The following CDKAL1 variants were observed in gnomAD, a reference collection of about 807,000 sequenced individuals.
CDKAL1 encodes threonylcarbamoyladenosine tRNA methylthiotransferase.
A neutral mutation model predicts 68.2 loss-of-function variants in CDKAL1; 32 were observed. The observed-to-expected ratio is 0.47, with a 90% CI of 0.35 to 0.63. CDKAL1 has a LOEUF of 0.63. Among genes scored for constraint, CDKAL1 ranks in the 30% least tolerant of loss-of-function variants. The pLI is 0.00. For missense variants in CDKAL1, 606 were observed against 696.7 expected (o/e 0.87, Z 1.47); for synonymous variants, 234 against 244.3 (o/e 0.96, Z 0.39).
intron 7 of CDKAL1, among the ~76,000 whole-genome samples, chr6:20,763,506 C>G (rs1054203242): frequency 1.3e-5 from 2 of 152,180 alleles, no homozygotes; most frequent in South Asian, 2.1e-4. Flanking sequence ...TGTGGAGAAG[C>G]AAGGCTCTGC....
intron 7 of CDKAL1, 85 bp from the exon 8 acceptor site, chr6:20,781,060 T>G (rs1373209436): frequency 7.4e-7 from 1 of 1,347,520 alleles, no homozygotes; most frequent in African/African-American, 1.5e-5. Flanking sequence ...CGAAAAGAAG[T>G]TAAATGAACA....
intron 15 of CDKAL1, among the ~76,000 whole-genome samples, chr6:21,229,310 A>G (rs992525887): frequency 2.0e-5 from 3 of 152,128 alleles, no homozygotes; most frequent in Admixed American, 6.5e-5. Flanking sequence ...TATTGATTCT[A>G]CATCAAAAGT....
intron 5 of CDKAL1, among the ~76,000 whole-genome samples, chr6:20,670,638 C>G (rs1274487813): frequency 1.3e-5 from 2 of 152,106 alleles, no homozygotes; most frequent in Non-Finnish European, 2.9e-5. Flanking sequence ...AGAGTGGTCT[C>G]TTATTCCCCA....
chr6:21,123,197 G>A (rs1160377667), intron 13 of CDKAL1, among the ~76,000 whole-genome samples: 2 of 152,116 alleles, frequency 1.3e-5, no homozygotes, highest in African/African-American at 4.8e-5. Flanking sequence ...TGGGATACCT[G>A]TAATCCCAAC....
intron 9 of CDKAL1, among the ~76,000 whole-genome samples, chr6:20,939,680 A>G (rs1423542019): frequency 1.3e-5 from 2 of 152,168 alleles, no homozygotes; most frequent in African/African-American, 4.8e-5. Flanking sequence ...TTGGCTGCAG[A>G]GGAGACAAAG....
At chr6:21,090,596 ACT>A (rs1180745757) in intron 12 of CDKAL1, among the ~76,000 whole-genome samples, 1 of 152,152 alleles carries the variant, frequency 6.6e-6, no homozygotes, top group Non-Finnish European at 1.5e-5. Flanking sequence ...AAGGAATGAC[ACT>A]CATATATATA....
chr6:20,826,248 A>G lies in CDKAL1; in HGVS notation c.639-19827A>G, dbSNP rs376055612. Among the ~76,000 whole-genome samples the G allele has an allele frequency of 1.6e-3, 249 of 152,220 alleles. 8 individuals are homozygous for G. In the South Asian group the frequency reaches 0.049, roughly 30 times the overall value. ...TTCATGTTAATACAGGGAGGAGGGGAGCCCACTTAAAAATACAGTCAGTGT... is the reference window on the plus strand; with the variant it reads ...TTCATGTTAATACAGGGAGGAGGGGGGCCCACTTAAAAATACAGTCAGTGT... On this transcript the variant is annotated intron_variant, in intron 8 of 15. Coordinates refer to ENST00000274695, the MANE Select transcript of CDKAL1 (RefSeq NM_017774.3).
chr6:20,608,774 C>T (rs1366887333), intron 4 of CDKAL1, among the ~76,000 whole-genome samples: 2 of 152,110 alleles, frequency 1.3e-5, no homozygotes, highest in Non-Finnish European at 2.9e-5. Context: ...CTACTCTTAG[C>T]AAGGGTGATG....
intron 4 of CDKAL1, among the ~76,000 whole-genome samples, chr6:20,555,614 C>T (rs1303825705): frequency 1.5e-5 from 2 of 133,414 alleles, no homozygotes; most frequent in Non-Finnish European, 1.5e-5. Context: ...CCACTGTGCC[C>T]AGCCAGAGTT....
chr6:20,541,434 G>C (rs1464786764), intron 2 of CDKAL1, among the ~76,000 whole-genome samples: 1 of 152,140 alleles, frequency 6.6e-6, no homozygotes, highest in Non-Finnish European at 1.5e-5. Context: ...GCAGACAAGA[G>C]GGCTCTGGTA....
chr6:21,159,507 TTA>T (rs1015667784), intron 13 of CDKAL1, among the ~76,000 whole-genome samples: 1 of 152,202 alleles, frequency 6.6e-6, no homozygotes, highest in African/African-American at 2.4e-5. Flanking sequence ...ACTTGCCATT[TTA>T]TATGTGTGTG....
At chr6:20,936,890 A>G (rs1396992122) in intron 9 of CDKAL1, among the ~76,000 whole-genome samples, 1 of 152,110 alleles carries the variant, frequency 6.6e-6, no homozygotes, top group Non-Finnish European at 1.5e-5. Flanking sequence ...TGCCTTACTT[A>G]AATTTCACCT....
chr6:20,542,618 C>T (rs886151908), intron 2 of CDKAL1, among the ~76,000 whole-genome samples: 8 of 151,984 alleles, frequency 5.3e-5, no homozygotes, highest in Non-Finnish European at 2.9e-5. Flanking sequence ...AACATAATTA[C>T]CGCTTTACCT....
intron 10 of CDKAL1, among the ~76,000 whole-genome samples, chr6:20,983,707 C>T (rs143730356): frequency 0.017 from 2,645 of 152,128 alleles, 82 homozygotes; most frequent in African/African-American, 0.061. Context: ...GGCAACAGAG[C>T]GAGATGCCGT....
chr6:20,685,115 C>T (rs1438806397), intron 5 of CDKAL1, among the ~76,000 whole-genome samples: 1 of 151,988 alleles, frequency 6.6e-6, no homozygotes, highest in African/African-American at 2.4e-5. Flanking sequence ...ATGTTATCTC[C>T]CAGGAGTTCT....
chr6:20,931,085 C>A (rs1334028509), intron 9 of CDKAL1, among the ~76,000 whole-genome samples: 1 of 152,126 alleles, frequency 6.6e-6, no homozygotes, highest in South Asian at 2.1e-4. Context: ...AGCTCAGAGA[C>A]CAGTAATTAA....
In CDKAL1 at chr6:20,815,638, T is replaced by C. The variant is rs191602595; in HGVS notation, c.639-30437T>C. ...CACTTAAAAAAAAATTAGTCATCTT[T>C]ATTGGATTTTGTTCTGATTATGAAA... is the stretch of plus-strand genomic sequence containing the variant. On this transcript the variant is annotated intron_variant, in intron 8 of 15. Transcript: ENST00000274695. Among the ~76,000 whole-genome samples, 383 of 152,268 alleles carry C rather than the reference T, an allele frequency of 2.5e-3. 3 individuals are homozygous for C. The highest frequency in any genetic ancestry group is 7.8e-3 in the African/African-American group (323 of 41,570).
chr6:20,544,978 T>C (rs1444722652), intron 2 of CDKAL1, among the ~76,000 whole-genome samples: 1 of 151,902 alleles, frequency 6.6e-6, no homozygotes, highest in Non-Finnish European at 1.5e-5. Context: ...TGTGTGTGTG[T>C]GTGTGTGTGT....
intron 13 of CDKAL1, among the ~76,000 whole-genome samples, chr6:21,146,856 A>C (rs916361847): frequency 1.3e-5 from 2 of 151,556 alleles, no homozygotes; most frequent in Admixed American, 1.3e-4. Flanking sequence ...GTCTCAAAAA[A>C]AAAAAAAAAA....
Sources: allele counts gnomAD v4.1 joint callset (sites outside exome capture counted in the v4.1 genomes callset), GRCh38; gene constraint gnomAD v4.1.1; transcripts MANE v1.5; gene names NCBI Gene and HGNC (gene_info 2026-07-23, HGNC 2026-07-21).